RANBP17: variants seen among roughly 807,000 people sequenced by gnomAD.
The protein encoded by RANBP17 is RAN binding protein 17.
A neutral mutation model predicts 141.2 loss-of-function variants in RANBP17; 158 were observed. That is an observed-to-expected ratio of 1.12 (90% confidence interval 0.98 to 1.28). The LOEUF is 1.28. Ranked by LOEUF, RANBP17 falls within the 50% of genes most tolerant of loss-of-function variation. The pLI, the probability that RANBP17 is intolerant of heterozygous loss-of-function variation, is 0.00. For missense variants in RANBP17, 1,438 were observed against 1,290.7 expected (o/e 1.11, Z -1.75); for synonymous variants, 430 against 450.0 (o/e 0.96, Z 0.56).
At chr5:171,189,295 T>C (rs1265395256) in intron 18 of RANBP17, among the ~76,000 whole-genome samples, 1 of 152,206 alleles carries the variant, frequency 6.6e-6, no homozygotes, top group Non-Finnish European at 1.5e-5. Context: ...CTTTTTAAAA[T>C]AATGAAATGT....
At chr5:170,935,354 G>A (rs1016308840) in intron 12 of RANBP17, among the ~76,000 whole-genome samples, 3 of 152,324 alleles carry the variant, frequency 2.0e-5, no homozygotes, top group Non-Finnish European at 4.4e-5. Flanking sequence ...TTGCTGGCGA[G>A]GAGCTGCGTT....
intron 14 of RANBP17, among the ~76,000 whole-genome samples, chr5:171,149,442 A>G (rs926044412): frequency 6.6e-6 from 1 of 152,230 alleles, no homozygotes; most frequent in Non-Finnish European, 1.5e-5. Flanking sequence ...CACTTACTGT[A>G]TCAGCCTCCT....
intron 8 of RANBP17, among the ~76,000 whole-genome samples, chr5:170,915,417 A>G (rs1345115543): frequency 2.0e-5 from 3 of 152,120 alleles, no homozygotes. Context: ...AAATATTGGC[A>G]TTGAGATTGA....
At chr5:171,155,094 A>AAAAAAAATATATATATAT (rs34090443) in intron 14 of RANBP17, among the ~76,000 whole-genome samples, 1 of 74,988 alleles carries the variant, frequency 1.3e-5, no homozygotes, top group African/African-American at 5.2e-5. Context: ...AAAAAAAAAA[A>AAAAAAAATATATATATAT]ATATATATAT....
chr5:171,297,735 G>A (rs950710911), intron 27 of RANBP17, among the ~76,000 whole-genome samples: 9 of 151,384 alleles, frequency 5.9e-5, no homozygotes, highest in East Asian at 1.9e-4. Context: ...GGTGGCCCTC[G>A]TAGTTTAATG....
At chr5:171,002,699 T>G (rs1255514064) in intron 14 of RANBP17, among the ~76,000 whole-genome samples, 1 of 152,162 alleles carries the variant, frequency 6.6e-6, no homozygotes, top group Non-Finnish European at 1.5e-5. Context: ...GTGATAGATG[T>G]GGAAGATACT....
At chr5:171,009,495 G>A (rs1779880487) in intron 14 of RANBP17, among the ~76,000 whole-genome samples, 1 of 152,068 alleles carries the variant, frequency 6.6e-6, no homozygotes, top group Non-Finnish European at 1.5e-5. Flanking sequence ...GTACACTTTT[G>A]TGAGGTTTGT....
At chr5:171,291,091 C>G (rs1344463943) in intron 25 of RANBP17, among the ~76,000 whole-genome samples, 1 of 152,168 alleles carries the variant, frequency 6.6e-6, no homozygotes, top group Non-Finnish European at 1.5e-5. Context: ...TACCATACCA[C>G]GTTGGTTTCT....
intron 16 of RANBP17, among the ~76,000 whole-genome samples, chr5:171,173,644 T>C (rs1400466211): frequency 6.6e-6 from 1 of 152,124 alleles, no homozygotes; most frequent in Non-Finnish European, 1.5e-5. Context: ...CCCCCATTTT[T>C]AGGAAGTATT....
chr5:170,986,207 A>G (rs1005687230), intron 14 of RANBP17, among the ~76,000 whole-genome samples: 1 of 152,062 alleles, frequency 6.6e-6, no homozygotes, highest in Non-Finnish European at 1.5e-5. Context: ...AGAGGATAAT[A>G]TAGTAATTCA....
intron 14 of RANBP17, among the ~76,000 whole-genome samples, chr5:171,074,541 G>A (rs979882955): frequency 2.6e-5 from 4 of 152,112 alleles, no homozygotes; most frequent in African/African-American, 2.4e-5. Context: ...AGATGCTAAC[G>A]TTAGGAGAAG....
At chr5:171,104,773 G>T (rs2127749065) in intron 14 of RANBP17, among the ~76,000 whole-genome samples, 1 of 152,292 alleles carries the variant, frequency 6.6e-6, no homozygotes, top group South Asian at 2.1e-4. Flanking sequence ...CTAATGTGAG[G>T]ATAGAGATAA....
intron 20 of RANBP17, 53 bp downstream of exon 20, chr5:171,205,665 G>A (rs779319967): frequency 7.0e-7 from 1 of 1,425,200 alleles, no homozygotes; most frequent in African/African-American, 1.4e-5. Flanking sequence ...GGGATGCCAG[G>A]CCCCTCGCTT....
intron 14 of RANBP17, among the ~76,000 whole-genome samples, chr5:171,109,566 T>C (rs1447034963): frequency 1.3e-5 from 2 of 152,172 alleles, no homozygotes; most frequent in African/African-American, 4.8e-5. Context: ...TTATATAGAA[T>C]GGTGTAGTAT....
chr5:171,154,374 C>T (rs148979187), intron 14 of RANBP17, among the ~76,000 whole-genome samples: 14,496 of 151,996 alleles, frequency 0.095, 1,139 homozygotes, highest in African/African-American at 0.21. Flanking sequence ...CCTCCCGAGT[C>T]CACACCATTC....
At chr5:171,203,470 C>A (rs1762412262) in intron 19 of RANBP17, among the ~76,000 whole-genome samples, 1 of 152,088 alleles carries the variant, frequency 6.6e-6, no homozygotes, top group Non-Finnish European at 1.5e-5. Context: ...AAATCTATTT[C>A]TTATTCACAT....
intron 14 of RANBP17, among the ~76,000 whole-genome samples, chr5:171,156,120 A>G (rs1758877056): frequency 6.6e-6 from 1 of 152,122 alleles, no homozygotes; most frequent in African/African-American, 2.4e-5. Flanking sequence ...GAAAGATTAT[A>G]AGCGGATGTT....
chr5:170,909,552 A>ACT (rs1040793335), intron 5 of RANBP17, 109 bp from the exon 6 acceptor site: 2 of 602,174 alleles, frequency 3.3e-6, no homozygotes, highest in Non-Finnish European at 5.7e-6. Flanking sequence ...CAGTCTAGAA[A>ACT]CTTGGGTTCT....
intron 14 of RANBP17, among the ~76,000 whole-genome samples, chr5:171,154,098 G>GTTT (rs70982325): frequency 2.3e-5 from 3 of 130,266 alleles, no homozygotes; most frequent in Non-Finnish European, 4.8e-5. Flanking sequence ...GTTCACTTTA[G>GTTT]TTTTTTTTTT....
Sources: allele counts gnomAD v4.1 joint callset (sites outside exome capture counted in the v4.1 genomes callset), GRCh38; gene constraint gnomAD v4.1.1; transcripts MANE v1.5; gene names NCBI Gene and HGNC (gene_info 2026-07-23, HGNC 2026-07-21).